TMEFF2: variants seen among roughly 807,000 people sequenced by gnomAD.
TMEFF2 encodes tomoregulin-2.
In TMEFF2, 28 loss-of-function variants were observed where a neutral mutation model predicts 53.8. The observed-to-expected ratio is 0.52, with a 90% CI of 0.39 to 0.71. The LOEUF (loss-of-function observed/expected upper bound fraction) is 0.71, where lower values mean the gene tolerates loss of function less well. Among genes scored for constraint, TMEFF2 ranks in the 30% least tolerant of loss-of-function variants. The probability of loss-of-function intolerance (pLI) is 0.00; values close to 1 mark genes in which losing one functional copy is unlikely to be tolerated. For missense variants in TMEFF2, 353 were observed against 455.2 expected, an observed-to-expected ratio of 0.78 and a Z score of 2.04; for synonymous variants, 162 against 166.3, an observed-to-expected ratio of 0.97 and a Z score of 0.20.
intron 4 of TMEFF2, among the ~76,000 whole-genome samples, chr2:192,168,885 C>A (rs1690837398): frequency 6.6e-6 from 1 of 151,786 alleles, no homozygotes; most frequent in Non-Finnish European, 1.5e-5. Flanking sequence ...TTACATTGCC[C>A]AGGCTAGAGT....
At chr2:192,075,474 T>C (rs1688412615) in intron 4 of TMEFF2, among the ~76,000 whole-genome samples, 1 of 151,366 alleles carries the variant, frequency 6.6e-6, no homozygotes, top group South Asian at 2.1e-4. Flanking sequence ...TAGGACAGAC[T>C]TCATTTTCGG....
At position 192,051,326 on chromosome 2, in the gene TMEFF2, A is replaced by G. The variant is rs143773065; in HGVS notation, c.536+6353T>C. Among the ~76,000 whole-genome samples the G allele has an allele frequency of 2.9e-3, 443 of 152,082 alleles. 3 individuals are homozygous for G. Among genetic ancestry groups the G allele is most frequent in the Non-Finnish European group, 5.1e-3 (349 of 67,990 alleles). ...ACTTCTGGGGCCAGAAAGCAAAGGA[A>G]ATTAATAAAAGGGAAACACCCTAGG... On this transcript the variant is annotated intron_variant, in intron 5 of 9. Coordinates refer to ENST00000272771, the MANE Select transcript of TMEFF2 (RefSeq NM_016192.4).
chr2:192,146,779 G>C (rs1282454075), intron 4 of TMEFF2, among the ~76,000 whole-genome samples: 1 of 152,006 alleles, frequency 6.6e-6, no homozygotes, highest in African/African-American at 2.4e-5. Context: ...TTGCATAAGA[G>C]CACCCAGAGC....
At chr2:192,048,341 ATAT>A (rs1402908907) in intron 5 of TMEFF2, among the ~76,000 whole-genome samples, 3 of 144,288 alleles carry the variant, frequency 2.1e-5, no homozygotes, top group East Asian at 2.0e-4. Flanking sequence ...AATATGTAAA[ATAT>A]TATTAGATTC....
chr2:192,129,544 A>G (rs1689761472), intron 4 of TMEFF2, among the ~76,000 whole-genome samples: 1 of 152,192 alleles, frequency 6.6e-6, no homozygotes, highest in Non-Finnish European at 1.5e-5. Flanking sequence ...TGAGGACCCC[A>G]CATGCATTCT....
At chr2:192,028,103 G>A (rs1687018876) in intron 5 of TMEFF2, 4 of 150,548 alleles carry the variant, frequency 2.7e-5, no homozygotes, top group Admixed American at 1.3e-4. Flanking sequence ...GATAGTGAAT[G>A]AGTCTCATGA....
chr2:192,019,636 C>T (rs1559086883), intron 5 of TMEFF2, among the ~76,000 whole-genome samples: 1 of 147,610 alleles, frequency 6.8e-6, no homozygotes, highest in East Asian at 2.0e-4. Flanking sequence ...TAAATGTTGT[C>T]TTTTTTTTTT....
At chr2:192,078,511 T>G (rs1351667075) in intron 4 of TMEFF2, among the ~76,000 whole-genome samples, 1 of 152,182 alleles carries the variant, frequency 6.6e-6, no homozygotes, top group African/African-American at 2.4e-5. Context: ...GTAAGAATTT[T>G]TACTGTGAGT....
chr2:192,189,583 T>C (rs1691411390), intron 2 of TMEFF2, among the ~76,000 whole-genome samples: 1 of 68,488 alleles, frequency 1.5e-5, no homozygotes, highest in African/African-American at 4.9e-5. Flanking sequence ...TGCACGCTTG[T>C]ACCTGAAAAG....
rs1487511052 is a variant in TMEFF2 at position 192,132,108 on chromosome 2, C to T, written c.439+47560G>A. On this transcript the variant is annotated intron_variant, in intron 4 of 9. Coordinates refer to ENST00000272771, the MANE Select transcript of TMEFF2 (RefSeq NM_016192.4). ...AGACCCATCTGACCTCTCCCCTCCT[C>T]GCCAGGCCAAGCTAGGCCCCAATTC... is the stretch of plus-strand genomic sequence containing the variant. Among the ~76,000 whole-genome samples the T allele has an allele frequency of 7.9e-5, 12 of 152,210 alleles. No individual in the cohort carries two copies. In the East Asian group the frequency reaches 9.7e-4, roughly 12 times the overall value.
intron 5 of TMEFF2, among the ~76,000 whole-genome samples, chr2:192,010,991 C>T (rs909752283): frequency 1.2e-4 from 19 of 152,160 alleles, no homozygotes; most frequent in African/African-American, 4.3e-4. Context: ...GTATTTTAAC[C>T]TAAATCTATC....
chr2:192,120,859 C>T (rs1559135181), intron 4 of TMEFF2, among the ~76,000 whole-genome samples: 1 of 151,984 alleles, frequency 6.6e-6, no homozygotes, highest in Non-Finnish European at 1.5e-5. Context: ...GCCTCAGCCT[C>T]CCGAATAGCT....
At chr2:192,164,312 T>C (rs1335251250) in intron 4 of TMEFF2, among the ~76,000 whole-genome samples, 2 of 152,168 alleles carry the variant, frequency 1.3e-5, no homozygotes, top group Non-Finnish European at 2.9e-5. Flanking sequence ...TTCCCTTTGC[T>C]CCGAATGCCC....
chr2:191,963,975 G>A (rs541688670), intron 7 of TMEFF2, among the ~76,000 whole-genome samples: 24 of 152,072 alleles, frequency 1.6e-4, no homozygotes. Flanking sequence ...ATTAAAGTAG[G>A]TTAAATTACT....
intron 4 of TMEFF2, chr2:192,177,174 T>G (rs1017649447): frequency 1.3e-5 from 2 of 151,240 alleles, no homozygotes; most frequent in African/African-American, 2.4e-5. Flanking sequence ...CAATCACTTT[T>G]GCTTTATTCA....
At chr2:192,071,799 C>T (rs948153621) in intron 4 of TMEFF2, among the ~76,000 whole-genome samples, 19 of 151,800 alleles carry the variant, frequency 1.3e-4, no homozygotes, top group Admixed American at 4.6e-4. Context: ...TCAGTACAGA[C>T]GCAACCATCC....
intron 4 of TMEFF2, among the ~76,000 whole-genome samples, chr2:192,121,230 G>T (rs747014363): frequency 1.3e-5 from 2 of 152,206 alleles, no homozygotes; most frequent in Non-Finnish European, 2.9e-5. Flanking sequence ...ATAAAGCAGA[G>T]GACAGAACCA....
At chr2:192,141,717 G>A (rs115582532) in intron 4 of TMEFF2, among the ~76,000 whole-genome samples, 215 of 152,282 alleles carry the variant, frequency 1.4e-3, no homozygotes, top group African/African-American at 5.0e-3. Context: ...CACAGCACAT[G>A]TTGGAGTGTG....
Position 192,079,875 on chromosome 2 carries a change from A to G in TMEFF2, c.440-22100T>C, listed in dbSNP as rs574076531. Among the ~76,000 whole-genome samples, 4 of 152,306 alleles carry G rather than the reference A, an allele frequency of 2.6e-5. No homozygotes were observed. In the South Asian group the frequency reaches 8.3e-4, roughly 32 times the overall value. On this transcript the variant is annotated intron_variant, in intron 4 of 9. Transcript: ENST00000272771. ...GAAGATAGAAAAATATGTAAGCTTG[A>G]GTACCATGATACATGATAAGTATAA... is the stretch of plus-strand genomic sequence containing the variant.
Sources: gnomAD v4.1 joint callset for allele counts (sites outside exome capture counted in the v4.1 genomes callset) on GRCh38, gnomAD v4.1.1 for gene constraint, MANE v1.5 for transcripts, NCBI Gene and HGNC (gene_info 2026-07-23, HGNC 2026-07-21) for gene names.